The following EFHB variants were observed in gnomAD, a reference collection of about 807,000 sequenced individuals.
EFHB encodes the protein EF-hand domain family member B.
Under a neutral mutation model 87.2 loss-of-function variants are expected in EFHB, and 91 were observed. That is an observed-to-expected ratio of 1.04 (90% CI 0.88 to 1.24). The LOEUF is 1.24. Among genes scored for constraint, EFHB ranks in the 50% most tolerant of loss-of-function variants. EFHB has a pLI of 0.00. For synonymous variants in EFHB, 325 were observed against 333.6 expected (o/e 0.97, Z 0.28); for missense variants, 1,084 against 998.8 (o/e 1.09, Z -1.15).
intron 9 of EFHB, among the ~76,000 whole-genome samples, chr3:19,894,288 G>A (rs554814167): frequency 6.6e-6 from 1 of 152,266 alleles, no homozygotes; most frequent in Admixed American, 6.5e-5. Context: ...CCATTGTGAT[G>A]TCAACTGGCT....
At position 19,879,665 on chromosome 3, in the gene EFHB, T is replaced by C. The variant is rs748556465; in HGVS notation, c.2468A>G (p.His823Arg). Residue 823 changes from histidine (H) to arginine (R), a missense_variant, in exon 13 of 13, where the codon CAT (histidine) becomes CGT (arginine). His to Arg is a conservative substitution (Grantham distance 29). Coordinates refer to ENST00000295824, the MANE Select transcript of EFHB (RefSeq NM_144715.4). The stretch of plus-strand genomic sequence containing the variant: ...TGTTTTACACTTGATCCGGTCTGCA[T>C]GCCGTAGCTCATCTAGAACATTTCT... ...NIRNVLDELR[H>R]ADRIKCKTLM The C allele has an allele frequency of 5.6e-6, 9 of 1,603,714 alleles. No individual in the cohort carries two copies. Among genetic ancestry groups the C allele is most frequent in the Non-Finnish European group, 6.8e-6 (8 of 1,177,024 alleles).
chr3:19,902,366 G>A (rs1351599268), intron 6 of EFHB, among the ~76,000 whole-genome samples: 1 of 151,900 alleles, frequency 6.6e-6, no homozygotes, highest in Non-Finnish European at 1.5e-5. Context: ...TTTTGTTTTT[G>A]TTTTTTGAGA....
intron 6 of EFHB, among the ~76,000 whole-genome samples, chr3:19,905,065 G>C (rs907894658): frequency 6.6e-6 from 1 of 152,170 alleles, no homozygotes; most frequent in African/African-American, 2.4e-5. Flanking sequence ...ATGCTCAGGT[G>C]CCCAAATAAC....
chr3:19,944,735 G>C (rs549067304), intron 1 of EFHB, among the ~76,000 whole-genome samples: 1 of 147,912 alleles, frequency 6.8e-6, no homozygotes, highest in East Asian at 1.9e-4. Context: ...GAAATAGGGA[G>C]TTTTTTGCAA....
chr3:19,933,044 G>T (rs763663963), intron 1 of EFHB, among the ~76,000 whole-genome samples, 186 bp downstream of exon 1: 2 of 152,160 alleles, frequency 1.3e-5, no homozygotes, highest in African/African-American at 2.4e-5. Flanking sequence ...CATCTAGGAA[G>T]GGAGGCAGAG....
intron 12 of EFHB, among the ~76,000 whole-genome samples, chr3:19,881,682 T>A (rs992306481): frequency 6.6e-5 from 10 of 152,110 alleles, no homozygotes; most frequent in African/African-American, 2.4e-4. Flanking sequence ...TGTGAAAGAA[T>A]TGCTGGGATG....
intron 6 of EFHB, among the ~76,000 whole-genome samples, chr3:19,903,850 T>C (rs1453213841): frequency 6.6e-6 from 1 of 152,194 alleles, no homozygotes; most frequent in Non-Finnish European, 1.5e-5. Context: ...TGGGTTTCAT[T>C]CTTACCCCTG....
At chr3:19,936,160 G>A (rs987922952), upstream of EFHB, 7 of 1,408,522 alleles carry the variant, frequency 5.0e-6, no homozygotes, top group African/African-American at 1.0e-4. Context: ...CAACACTTCG[G>A]GAAGCCAAGG....
chr3:19,905,320 T>C (rs1485810844), intron 6 of EFHB, among the ~76,000 whole-genome samples: 1 of 152,134 alleles, frequency 6.6e-6, no homozygotes, highest in Non-Finnish European at 1.5e-5. Flanking sequence ...TCCATTATAT[T>C]TAAGAAACAC....
intron 8 of EFHB, among the ~76,000 whole-genome samples, chr3:19,898,376 C>A (rs765267480): frequency 1.4e-4 from 21 of 152,152 alleles, no homozygotes; most frequent in Non-Finnish European, 1.9e-4. Flanking sequence ...TGAGATTCTG[C>A]ATTTCTAAGG....
At chr3:19,946,570 A>T (rs1696287399) in intron 1 of EFHB, among the ~76,000 whole-genome samples, 1 of 152,216 alleles carries the variant, frequency 6.6e-6, no homozygotes, top group Non-Finnish European at 1.5e-5. Flanking sequence ...TCAGGCGCCT[A>T]AAGGCGGCTT....
In EFHB at chr3:19,882,639, C is replaced by T; in HGVS notation, c.2239G>A (p.Gly747Ser). ...GGATATAGTAGTGAATATGCACTAC[C>T]TTCTTCACCATAATTAGTTCTGTCA... ...ISDRTNYGEE[G>S]SAYSLLYPTI... is the part of the protein sequence containing the mutation. Residue 747 changes from glycine (G) to serine (S), a missense_variant, in exon 12 of 13, where the codon GGT becomes AGT. Gly to Ser is a moderately conservative substitution (Grantham distance 56). Coordinates refer to ENST00000295824, the MANE Select transcript of EFHB (RefSeq NM_144715.4). 6.2e-7 allele frequency: 1 copy of T among 1,613,626 alleles called. No individual in the cohort carries two copies. The highest frequency in any genetic ancestry group is 8.5e-7 in the Non-Finnish European group (1 of 1,179,714).
intron 6 of EFHB, among the ~76,000 whole-genome samples, chr3:19,905,022 G>C (rs1278470733): frequency 6.6e-6 from 1 of 152,182 alleles, no homozygotes; most frequent in East Asian, 1.9e-4. Flanking sequence ...AGAATGAAGA[G>C]ATAAAAAGGT....
chr3:19,944,279 C>T (rs1246173626), intron 1 of EFHB, among the ~76,000 whole-genome samples: 1 of 152,148 alleles, frequency 6.6e-6, no homozygotes, highest in African/African-American at 2.4e-5. Flanking sequence ...TTATGGGATC[C>T]TGTGAATGGT....
At chr3:19,917,996 T>C (rs1442659264) in intron 4 of EFHB, among the ~76,000 whole-genome samples, 2 of 152,202 alleles carry the variant, frequency 1.3e-5, no homozygotes, top group Admixed American at 6.5e-5. Context: ...CTTTACACCA[T>C]GCCTACTATG....
intron 9 of EFHB, 74 bp downstream of exon 9, chr3:19,896,613 G>A: frequency 1.3e-6 from 2 of 1,580,602 alleles, no homozygotes; most frequent in Non-Finnish European, 1.7e-6. Context: ...ATAGTTTGCT[G>A]ACCCCTGATC....
intron 5 of EFHB, among the ~76,000 whole-genome samples, chr3:19,906,842 T>C (rs1173295372): frequency 1.3e-5 from 2 of 152,026 alleles, no homozygotes; most frequent in Non-Finnish European, 2.9e-5. Flanking sequence ...TAGAACAGTA[T>C]GGTACTGGCA....
At position 19,933,313 on chromosome 3, in the gene EFHB, T is replaced by C. The variant is rs976640599; in HGVS notation, c.706A>G (p.Ile236Val). Residue 236 changes from isoleucine to valine, a missense_variant, in exon 1 of 13, where the codon ATT becomes GTT. Physicochemically the swap from Ile to Val is conservative, Grantham distance 29. Transcript: ENST00000295824. ...TCTGGAGGTTCCACTCCTGATTCAA[T>C]GTTTCCAGCCTCCTTTCTCTGTTCA... is the stretch of plus-strand genomic sequence containing the variant. Reference protein sequence around the residue: ...QHEQRKEAGNIESGVEPPDRI... With the variant: ...QHEQRKEAGNVESGVEPPDRI... The C allele has an allele frequency of 1.9e-6, 3 of 1,614,018 alleles. No individual in the cohort carries two copies. The highest frequency in any genetic ancestry group is 1.7e-5 in the Admixed American group (1 of 60,020).
upstream of EFHB, among the ~76,000 whole-genome samples, chr3:19,938,114 C>G (rs1696064252): frequency 6.6e-6 from 1 of 152,188 alleles, no homozygotes; most frequent in East Asian, 1.9e-4. Flanking sequence ...AGGGAGCCAC[C>G]TAGGTTCCCT....
Sources: allele counts gnomAD v4.1 joint callset (sites outside exome capture counted in the v4.1 genomes callset), GRCh38; gene constraint gnomAD v4.1.1; transcripts MANE v1.5; gene names NCBI Gene and HGNC (gene_info 2026-07-23, HGNC 2026-07-21).